The following PLCB1 variants were observed in gnomAD, a reference collection of about 807,000 sequenced individuals.
PLCB1 encodes 1-phosphatidylinositol 4,5-bisphosphate phosphodiesterase beta-1.
PLCB1 carries 46 observed loss-of-function variants against 161.8 expected under a neutral mutation model. The observed-to-expected ratio is 0.28, with a 90% confidence interval of 0.22 to 0.36. The LOEUF is 0.36. PLCB1 is among the 10% of genes least tolerant of loss of function. The pLI is 1.00. For synonymous variants in PLCB1, 517 were observed against 503.7 expected (o/e 1.03, Z -0.35); for missense variants, 1,016 against 1,472.5 (o/e 0.69, Z 5.07).
chr20:8,397,119 T>C (rs910392126), intron 3 of PLCB1, among the ~76,000 whole-genome samples: 14 of 152,106 alleles, frequency 9.2e-5, no homozygotes, highest in African/African-American at 2.4e-4. Context: ...TGTTTTTGTA[T>C]AGTGGCAATT....
intron 31 of PLCB1, among the ~76,000 whole-genome samples, chr20:8,809,255 G>A (rs1045984361): frequency 3.9e-5 from 6 of 152,070 alleles, no homozygotes; most frequent in Non-Finnish European, 8.8e-5. Flanking sequence ...CGATCGTCCC[G>A]CCTCAGCCTC....
chr20:8,583,491 C>CT, intron 3 of PLCB1, among the ~76,000 whole-genome samples: 1 of 152,180 alleles, frequency 6.6e-6, no homozygotes, highest in Admixed American at 6.5e-5. Flanking sequence ...TCTAACCTAA[C>CT]ACAGTCAGCC....
chr20:8,345,326 C>T (rs1307662594), intron 2 of PLCB1, among the ~76,000 whole-genome samples: 2 of 152,134 alleles, frequency 1.3e-5, no homozygotes, highest in Non-Finnish European at 2.9e-5. Context: ...AGTCAGGGGA[C>T]AAGCCGGGGG....
chr20:8,273,830 G>A (rs1476322967), intron 2 of PLCB1, among the ~76,000 whole-genome samples: 1 of 152,192 alleles, frequency 6.6e-6, no homozygotes, highest in African/African-American at 2.4e-5. Flanking sequence ...ATGGGCACTG[G>A]TATGGAATGG....
At chr20:8,138,914 T>C (rs1568566577) in intron 1 of PLCB1, among the ~76,000 whole-genome samples, 3 of 152,058 alleles carry the variant, frequency 2.0e-5, no homozygotes, top group Non-Finnish European at 4.4e-5. Context: ...TACCTATTAA[T>C]TGAGGTTGAC....
chr20:8,463,129 C>G (rs1981655022), intron 3 of PLCB1, among the ~76,000 whole-genome samples: 2 of 147,786 alleles, frequency 1.4e-5, no homozygotes. Context: ...CAGGATCAGT[C>G]TGACCTAGTA....
chr20:8,828,943 G>T (rs1985848201), intron 31 of PLCB1, among the ~76,000 whole-genome samples: 1 of 152,120 alleles, frequency 6.6e-6, no homozygotes, highest in Non-Finnish European at 1.5e-5. Context: ...TAATCCTCAT[G>T]AATCCTAGTT....
intron 2 of PLCB1, among the ~76,000 whole-genome samples, chr20:8,170,116 T>A (rs1304419314): frequency 1.3e-5 from 2 of 152,172 alleles, no homozygotes; most frequent in Non-Finnish European, 2.9e-5. Flanking sequence ...GTACCCATCT[T>A]AGATATTTTT....
chr20:8,559,024 A>C (rs978884356), intron 3 of PLCB1, among the ~76,000 whole-genome samples: 23 of 152,040 alleles, frequency 1.5e-4, no homozygotes, highest in Admixed American at 1.4e-3. Context: ...TACTAAAAGT[A>C]AATACATAGT....
At chr20:8,455,430 CTCTTTTTTT>C (rs1568683094) in intron 3 of PLCB1, among the ~76,000 whole-genome samples, 1 of 132,918 alleles carries the variant, frequency 7.5e-6, no homozygotes, top group Non-Finnish European at 1.6e-5. Flanking sequence ...AGTATTCTTC[CTCTTTTTTT>C]TTTTTTTTTT....
chr20:8,603,163 G>T (rs983795024), intron 3 of PLCB1, among the ~76,000 whole-genome samples: 12 of 152,136 alleles, frequency 7.9e-5, no homozygotes, highest in African/African-American at 2.9e-4. Flanking sequence ...TAGCATACTT[G>T]TTATTTAAAG....
At chr20:8,670,357 A>G (rs1488337004) in intron 9 of PLCB1, among the ~76,000 whole-genome samples, 2 of 152,218 alleles carry the variant, frequency 1.3e-5, no homozygotes, top group Non-Finnish European at 2.9e-5. Flanking sequence ...GTAAGGTGTT[A>G]TTATTGAGAA....
At chr20:8,667,544 C>T (rs911255291) in intron 9 of PLCB1, among the ~76,000 whole-genome samples, 5 of 152,202 alleles carry the variant, frequency 3.3e-5, no homozygotes, top group Non-Finnish European at 7.3e-5. Context: ...AAGGCAAAGG[C>T]CTGGCCTAGG....
chr20:8,632,909 G>A (rs78160895), intron 4 of PLCB1, among the ~76,000 whole-genome samples: 21,248 of 152,024 alleles, frequency 0.14, 1,707 homozygotes, highest in Non-Finnish European at 0.17. Context: ...TGGAAGCCCC[G>A]AGAGGGTTTC....
chr20:8,746,049 A>C (rs1437921368), intron 23 of PLCB1, among the ~76,000 whole-genome samples: 1 of 152,112 alleles, frequency 6.6e-6, no homozygotes, highest in Non-Finnish European at 1.5e-5. Context: ...CTCCTGCCTC[A>C]GCCACCCAAG....
rs377482758 is a variant in PLCB1, at chr20:8,762,068, G to A, written c.2710+1608G>A. Among the ~76,000 whole-genome samples, 90 of 151,728 alleles carry A rather than the reference G, an allele frequency of 5.9e-4. No individual in the cohort carries two copies. The South Asian group carries it at 0.017, about 29-fold the overall frequency. On this transcript the variant is annotated intron_variant, in intron 25 of 31. Coordinates refer to ENST00000338037, the MANE Select transcript of PLCB1 (RefSeq NM_015192.4). Reference sequence around the variant, plus strand: ...TCTACTAAATATTACAAAATTAACCGCTGTGGTGGCGCGCACCTATAATCC... The same window carrying A: ...TCTACTAAATATTACAAAATTAACCACTGTGGTGGCGCGCACCTATAATCC...
chr20:8,684,469 G>A (rs6056001), intron 9 of PLCB1, among the ~76,000 whole-genome samples: 112,226 of 151,382 alleles, frequency 0.74, 43,014 homozygotes, highest in Non-Finnish European at 0.84. Flanking sequence ...GGCCAGGCTG[G>A]TCTCGAGCTC....
intron 9 of PLCB1, among the ~76,000 whole-genome samples, chr20:8,660,103 T>C (rs552863904): frequency 2.7e-3 from 417 of 152,286 alleles, no homozygotes; most frequent in African/African-American, 9.5e-3. Context: ...TTTTTAGTTT[T>C]CATTTGTTTT....
chr20:8,755,067 T>G (rs532328713), intron 23 of PLCB1, among the ~76,000 whole-genome samples: 35 of 152,326 alleles, frequency 2.3e-4, no homozygotes, highest in Non-Finnish European at 4.7e-4. Context: ...GGTTACTTGT[T>G]TAGTCTCCTG....
Sources: gnomAD v4.1 joint callset for allele counts (sites outside exome capture counted in the v4.1 genomes callset) on GRCh38, gnomAD v4.1.1 for gene constraint, MANE v1.5 for transcripts, NCBI Gene and HGNC (gene_info 2026-07-23, HGNC 2026-07-21) for gene names.